Variants in LACTB observed in about 807,000 individuals in gnomAD.
LACTB encodes the protein serine beta-lactamase-like protein LACTB, mitochondrial.
Under a neutral mutation model 50.2 loss-of-function variants are expected in LACTB, and 35 were observed. That is an observed-to-expected ratio of 0.70 (90% CI 0.53 to 0.92). The LOEUF (loss-of-function observed/expected upper bound fraction) is 0.92. Among genes scored for constraint, LACTB ranks in the 40% least tolerant of loss-of-function variants. The pLI is 0.00. For synonymous variants in LACTB, 252 were observed against 268.2 expected (o/e 0.94, Z 0.59); for missense variants, 664 against 691.8 (o/e 0.96, Z 0.45).
At chr15:63,122,846 G>C in intron 2 of LACTB, 144 bp downstream of exon 2, 4 of 645,080 alleles carry the variant, frequency 6.2e-6, no homozygotes, top group Non-Finnish European at 1.1e-5. Context: ...ATAATAAAGA[G>C]TCAGGTGTTT....
Position 63,141,777 on chromosome 15 carries a change from T to C in LACTB, c.1616T>C (p.Leu539Pro). The C allele has an allele frequency of 6.2e-7, 1 of 1,613,420 alleles. No individual in the cohort carries two copies. The highest frequency in any genetic ancestry group is 8.5e-7 in the Non-Finnish European group (1 of 1,179,452). Residue 539 changes from leucine to proline, a missense_variant, in exon 6 of 6, where the codon CTT becomes CCT. Coordinates refer to ENST00000261893, the MANE Select transcript of LACTB (RefSeq NM_032857.5). ...AATAGCACCGCTTTGAAGATTGCCC[T>C]TGAATTTGATAAAGACAGATCAGAC... ...GLNSTALKIALEFDKDRSD is the reference protein window; with the variant it reads ...GLNSTALKIAPEFDKDRSD
Position 63,141,568 on chromosome 15 carries a change from G to C in LACTB, c.1407G>C (p.Arg469Ser). ...CAATGGCGTGGGGTGTTGTGGAAAG[G>C]AAACAAACGTATGGTTCGTGTAGAA... ...KYAMAWGVVE[R>S]KQTYGSCRKQ... The change falls in exon 6 of 6, where the codon AGG becomes AGC. Residue 469 changes from arginine to serine, a missense_variant. Transcript: ENST00000261893. 1.2e-6 allele frequency: 2 copies of C among 1,614,210 alleles called. No individual in the cohort carries two copies.
chr15:63,129,368 T>C, intron 4 of LACTB, 117 bp from the exon 5 acceptor site: 1 of 905,312 alleles, frequency 1.1e-6, no homozygotes, highest in South Asian at 2.4e-5. Flanking sequence ...TTCTGAATGC[T>C]GAAGTAAAAT....
At chr15:63,128,315 G>A (rs1382689995) in intron 4 of LACTB, among the ~76,000 whole-genome samples, 2 of 152,224 alleles carry the variant, frequency 1.3e-5, no homozygotes, top group Non-Finnish European at 2.9e-5. Flanking sequence ...AAAGTTCCAT[G>A]CTGGGCACAG....
chr15:63,129,347 C>T (rs2037098097), intron 4 of LACTB, 138 bp from the exon 5 acceptor site: 1 of 683,294 alleles, frequency 1.5e-6, no homozygotes, highest in Non-Finnish European at 2.2e-6. Context: ...GATGTATTGC[C>T]TGTGTTCTTT....
At chr15:63,134,145 G>A (rs1336705062) in intron 5 of LACTB, among the ~76,000 whole-genome samples, 2 of 151,374 alleles carry the variant, frequency 1.3e-5, no homozygotes, top group Non-Finnish European at 2.9e-5. Flanking sequence ...TACCATAGTG[G>A]TTTTCAAACT....
chr15:63,130,334 C>T (rs2037114940), intron 5 of LACTB: 2 of 152,184 alleles, frequency 1.3e-5, no homozygotes, highest in Admixed American at 6.5e-5. Flanking sequence ...GTGAAATCAA[C>T]CCTCTCTCTA....
At chr15:63,123,040 C>A (rs1166958683) in intron 2 of LACTB, among the ~76,000 whole-genome samples, 1 of 152,140 alleles carries the variant, frequency 6.6e-6, no homozygotes, top group African/African-American at 2.4e-5. Flanking sequence ...TGATATTGAA[C>A]CCTGTATATA....
rs148995972 is a variant in LACTB, at chr15:63,141,600, G to A, written c.1439G>A (p.Arg480Gln). The change falls in exon 6 of 6, where the codon CGG becomes CAG. Residue 480 changes from arginine (R) to glutamine (Q), a missense_variant. Transcript: ENST00000261893. ...KQTYGSCRKQ[R>Q]HYASHTGGAV... The stretch of plus-strand genomic sequence containing the variant: ...ACGTATGGTTCGTGTAGAAAGCAAC[G>A]GCATTATGCTTCACATACTGGAGGG... 64 of 1,614,040 alleles carry A rather than the reference G, an allele frequency of 4.0e-5. 1 individual carries two copies. In the African/African-American group the frequency reaches 5.1e-4, roughly 13 times the overall value.
intron 4 of LACTB, 128 bp downstream of exon 4, chr15:63,127,817 C>A: frequency 1.5e-6 from 1 of 651,538 alleles, no homozygotes; most frequent in African/African-American, 1.8e-5. Context: ...TAGTCTGGTG[C>A]TTGCGTTTTT....
intron 4 of LACTB, among the ~76,000 whole-genome samples, chr15:63,128,446 A>G (rs1275400465): frequency 4.6e-5 from 7 of 152,128 alleles, no homozygotes; most frequent in Admixed American, 4.6e-4. Context: ...AAAAAATTTT[A>G]AATTAGCCAG....
intron 5 of LACTB, among the ~76,000 whole-genome samples, chr15:63,138,030 C>A (rs891220201): frequency 6.6e-6 from 1 of 152,134 alleles, no homozygotes; most frequent in Non-Finnish European, 1.5e-5. Flanking sequence ...ATTTAAGAAG[C>A]ATTTTAAAAA....
intron 5 of LACTB, chr15:63,131,607 C>T (rs1324340072): frequency 2.0e-5 from 3 of 152,156 alleles, no homozygotes; most frequent in Admixed American, 6.5e-5. Context: ...AGACCAACAT[C>T]TAGCAAATAA....
At chr15:63,122,523 G>GCTC in intron 1 of LACTB, 113 bp from the exon 2 acceptor site, 1 of 866,830 alleles carries the variant, frequency 1.2e-6, no homozygotes, top group South Asian at 1.4e-5. Flanking sequence ...CGGGGCCCAG[G>GCTC]TGGAGGGGGC....
Position 63,122,649 on chromosome 15 carries a change from C to T in LACTB, c.371C>T (p.Ala124Val). 1 of 1,613,578 alleles carries T rather than the reference C, an allele frequency of 6.2e-7. No homozygotes were observed. The highest frequency in any genetic ancestry group is 8.5e-7 in the Non-Finnish European group (1 of 1,179,490). Residue 124 changes from alanine to valine, a missense_variant, in exon 2 of 6, where the codon GCA (alanine) becomes GTA (valine). Coordinates refer to ENST00000261893, the MANE Select transcript of LACTB (RefSeq NM_032857.5). Reference protein sequence around the residue: ...LLHRIKDEVGAPGIVVGVSVD... With the variant: ...LLHRIKDEVGVPGIVVGVSVD... ...CTTCGGTCTTAGGATGAGGTGGGCG[C>T]ACCGGGCATAGTGGTTGGAGTTTCT...
chr15:63,133,483 G>T (rs962613214), intron 5 of LACTB, among the ~76,000 whole-genome samples: 19 of 152,110 alleles, frequency 1.2e-4, no homozygotes, highest in Non-Finnish European at 2.5e-4. Flanking sequence ...AATTAGGCGG[G>T]CATAGTAGCG....
chr15:63,137,689 T>A (rs2037190086), intron 5 of LACTB, among the ~76,000 whole-genome samples: 1 of 152,240 alleles, frequency 6.6e-6, no homozygotes, highest in African/African-American at 2.4e-5. Flanking sequence ...ATCACCATGT[T>A]GTATTCTCAA....
chr15:63,127,823 T>A, intron 4 of LACTB, 134 bp downstream of exon 4: 151 of 596,606 alleles, frequency 2.5e-4, no homozygotes, highest in Non-Finnish European at 3.8e-4. Context: ...GGTGCTTGCG[T>A]TTTTGTCTGT....
At chr15:63,125,073 C>T (rs1052773865) in intron 2 of LACTB, among the ~76,000 whole-genome samples, 1 of 152,040 alleles carries the variant, frequency 6.6e-6, no homozygotes, top group African/African-American at 2.4e-5. Flanking sequence ...GTAATCCCAG[C>T]GCTTAGGGAG....
Sources: gnomAD v4.1 joint callset for allele counts (sites outside exome capture counted in the v4.1 genomes callset) on GRCh38, gnomAD v4.1.1 for gene constraint, MANE v1.5 for transcripts, NCBI Gene and HGNC (gene_info 2026-07-23, HGNC 2026-07-21) for gene names.